The following FZD2 variants were observed in gnomAD, a reference collection of about 807,000 sequenced individuals.
FZD2 encodes the protein frizzled class receptor 2.
A neutral mutation model predicts 36.7 loss-of-function variants in FZD2; 17 were observed. That is an observed-to-expected ratio of 0.46 (90% CI 0.32 to 0.70). The LOEUF (loss-of-function observed/expected upper bound fraction) is 0.70. Ranked by LOEUF, FZD2 falls within the 30% of genes least tolerant of loss-of-function variation. The pLI, the probability that FZD2 is intolerant of heterozygous loss-of-function variation, is 0.04. For synonymous variants in FZD2, 333 were observed against 359.6 expected (o/e 0.93, Z 0.84); for missense variants, 525 against 805.6 (o/e 0.65, Z 4.22).
Position 44,558,864 on chromosome 17 carries a change from G to T in FZD2, c.1176G>T (p.Gln392His). The T allele has an allele frequency of 6.2e-7, 1 of 1,613,168 alleles. No homozygotes were observed. The highest frequency in any genetic ancestry group is 8.5e-7 in the Non-Finnish European group (1 of 1,179,702). The change falls in exon 1 of 1, where the codon CAG becomes CAT. Residue 392 changes from glutamine (Q) to histidine (H), a missense_variant. By Grantham distance (24) the Gln-to-His change is conservative. This residue lies in a region of FZD2 where 189 missense variants were observed against 298.1 expected (regional missense o/e 0.63). Coordinates refer to ENST00000315323, the MANE Select transcript of FZD2 (RefSeq NM_001466.4). This position sits in a 1 kb window ranked among gnomAD's most constrained non-coding sequence, Gnocchi z 9.3. The stretch of plus-strand genomic sequence containing the variant: ...CCATCACCATCCTGGCCATGGGCCA[G>T]ATCGACGGCGACCTGCTGAGCGGCG... ...VKTITILAMGQIDGDLLSGVC... is the reference protein window; with the variant it reads ...VKTITILAMGHIDGDLLSGVC...
chr17:44,561,150 T>A lies in FZD2; in HGVS notation c.*1764T>A, dbSNP rs1361437338. ...ATTTTAGAATTTTAATTCCAAAGGA[T>A]TAGTTTGAATACAAGTATGCCACAT... On this transcript the variant is annotated 3_prime_UTR_variant, in exon 1 of 1. Coordinates refer to ENST00000315323, the MANE Select transcript of FZD2 (RefSeq NM_001466.4). Among the ~76,000 whole-genome samples, 1 of 152,266 alleles carries A rather than the reference T, an allele frequency of 6.6e-6. No individual in the cohort carries two copies. Among genetic ancestry groups the A allele is most frequent in the Non-Finnish European group, 1.5e-5 (1 of 68,048 alleles).
rs1213204785 is a variant in FZD2 at position 44,559,376 on chromosome 17, C to T, written c.1688C>T (p.Thr563Ile). The stretch of plus-strand genomic sequence containing the variant: ...CTCACCAACAGCCGACACGGTGAGA[C>T]CACCGTGTGAGGGACGCCCCCAGGC... ...TRLTNSRHGE[T>I]TV The change falls in exon 1 of 1, where the codon ACC becomes ATC. Residue 563 changes from threonine to isoleucine, a missense_variant. Around this residue, in one of 5 missense-constraint regions of FZD2, gnomAD observed 189 missense variants for 298.1 expected, o/e 0.63. Transcript: ENST00000315323. The surrounding 1 kb of genome is among the most constrained non-coding windows in gnomAD (Gnocchi z 4.4). 2.5e-6 allele frequency: 4 copies of T among 1,601,950 alleles called. No homozygotes were observed. Among genetic ancestry groups the T allele is most frequent in the African/African-American group, 2.7e-5 (2 of 74,758 alleles).
chr17:44,560,323 A>C lies in FZD2; in HGVS notation c.*937A>C, dbSNP rs138798849. On this transcript the variant is annotated 3_prime_UTR_variant, in exon 1 of 1. Transcript: ENST00000315323. ...TCTGGGGAGTTTGAGACCTCCTAGC[A>C]TCTCTTCCCTTCTTTCCCTGCAGTC... Among the ~76,000 whole-genome samples the C allele has an allele frequency of 3.1e-3, 472 of 151,688 alleles. 1 individual carries two copies. The highest frequency in any genetic ancestry group is 0.014 in the Middle Eastern group (4 of 294).
Position 44,558,143 on chromosome 17 carries a change from G to C in FZD2, c.455G>C (p.Gly152Ala), listed in dbSNP as rs756747247. ...CACGGCGCCGAGCAGATCTGCGTCG[G>C]CCAGAACCACTCCGAGGACGGAGCT... ...PRHGAEQICV[G>A]QNHSEDGAPA... Residue 152 changes from glycine (G) to alanine (A), a missense_variant, in exon 1 of 1, where the codon GGC (glycine) becomes GCC (alanine). By Grantham distance (60) the Gly-to-Ala change is moderately conservative. This residue lies in a region of FZD2 where 257 missense variants were observed against 344.4 expected (regional missense o/e 0.75). Transcript: ENST00000315323. The surrounding 1 kb of genome is among the most constrained non-coding windows in gnomAD (Gnocchi z 9.3). 4.4e-6 allele frequency: 7 copies of C among 1,601,864 alleles called. No homozygotes were observed. The highest frequency in any genetic ancestry group is 5.1e-6 in the Non-Finnish European group (6 of 1,176,416).
At position 44,559,164 on chromosome 17, in the gene FZD2, C is replaced by G; in HGVS notation, c.1476C>G (p.Arg492=). 1 of 1,613,980 alleles carries G rather than the reference C, an allele frequency of 6.2e-7. No individual in the cohort carries two copies. The highest frequency in any genetic ancestry group is 8.5e-7 in the Non-Finnish European group (1 of 1,180,016). ...AGGCCTTCCGCGAGCACTGGGAGCG[C>G]TCGTGGGTGAGCCAGCACTGCAAGA... is the stretch of plus-strand genomic sequence containing the variant. ...YEQAFREHWE[R]SWVSQHCKSL... Residue 492 remains arginine (R), a synonymous_variant, in exon 1 of 1, where the codon CGC becomes CGG. Transcript: ENST00000315323. The surrounding 1 kb of genome is among the most constrained non-coding windows in gnomAD (Gnocchi z 4.4).
chr17:44,559,607 G>T lies in FZD2; in HGVS notation c.*221G>T, dbSNP rs138323934. 36 of 374,784 alleles carry T rather than the reference G, an allele frequency of 9.6e-5. No individual in the cohort carries two copies. Among genetic ancestry groups the T allele is most frequent in the Non-Finnish European group, 1.4e-4 (34 of 243,694 alleles). The allele number at this position is 374,784 out of a possible 1,614,324, so 23.2% of individuals were successfully genotyped here. ...AATTATATATATTTTCTATTTAAAA[G>T]AAAAAAGGAGAAAAAAAAACAGGGG... On this transcript the variant is annotated 3_prime_UTR_variant, in exon 1 of 1. Transcript: ENST00000315323. The surrounding 1 kb of genome is among the most constrained non-coding windows in gnomAD (Gnocchi z 4.4).
Position 44,558,363 on chromosome 17 carries a change from C to A in FZD2, c.675C>A (p.Cys225Ter). The A allele has an allele frequency of 6.5e-7, 1 of 1,530,116 alleles. No homozygotes were observed. The highest frequency in any genetic ancestry group is 8.7e-7 in the Non-Finnish European group (1 of 1,144,846). 94.8% of individuals were successfully genotyped at this position (1,530,116 alleles called of 1,614,324 possible). Residue 225 changes from cysteine (C) to a stop codon, truncating the protein, a stop_gained, in exon 1 of 1, where the codon TGC becomes TGA. Coordinates refer to ENST00000315323, the MANE Select transcript of FZD2 (RefSeq NM_001466.4). LOFTEE classifies it high-confidence loss of function. This position sits in a 1 kb window ranked among gnomAD's most constrained non-coding sequence, Gnocchi z 9.3. ...FLGERDCAAP[C>*]EPARPDGSMF... ...GCGAGCGTGATTGTGCTGCGCCCTG[C>A]GAACCTGCGCGGCCCGATGGTTCCA...
In FZD2 at chr17:44,559,239, C is replaced by A; in HGVS notation, c.1551C>A (p.Asp517Glu). 6.2e-7 allele frequency: 1 copy of A among 1,614,128 alleles called. No individual in the cohort carries two copies. Among genetic ancestry groups the A allele is most frequent in the Non-Finnish European group, 8.5e-7 (1 of 1,180,020 alleles). ...ACTACACGCCGCGCATGTCGCCCGA[C>A]TTCACGGTCTACATGATCAAATACC... is the stretch of plus-strand genomic sequence containing the variant. ...PAHYTPRMSP[D>E]FTVYMIKYLM... is the part of the protein sequence containing the mutation. Residue 517 changes from aspartate to glutamate, a missense_variant, in exon 1 of 1, where the codon GAC (aspartate) becomes GAA (glutamate). This residue lies in a region of FZD2 where 189 missense variants were observed against 298.1 expected (regional missense o/e 0.63). Coordinates refer to ENST00000315323, the MANE Select transcript of FZD2 (RefSeq NM_001466.4). This position sits in a 1 kb window ranked among gnomAD's most constrained non-coding sequence, Gnocchi z 4.4.
chr17:44,558,287 A>T lies in FZD2; in HGVS notation c.599A>T (p.His200Leu). 6.9e-7 allele frequency: 1 copy of T among 1,448,484 alleles called. No homozygotes were observed. The highest frequency in any genetic ancestry group is 9.0e-7 in the Non-Finnish European group (1 of 1,106,536). 89.7% of individuals were successfully genotyped at this position (1,448,484 alleles called of 1,614,324 possible). A position where few individuals can be genotyped will look rare whatever the true frequency, so the allele number is the denominator to read the frequency against. Residue 200 changes from histidine (H) to leucine (L), a missense_variant, in exon 1 of 1, where the codon CAC becomes CTC. Around this residue, in one of 5 missense-constraint regions of FZD2, gnomAD observed 257 missense variants for 344.4 expected, o/e 0.75. Coordinates refer to ENST00000315323, the MANE Select transcript of FZD2 (RefSeq NM_001466.4). The surrounding 1 kb of genome is among the most constrained non-coding windows in gnomAD (Gnocchi z 9.3). ...TACGCCACGCTGGAGCACCCCTTCC[A>T]CTGCCCGCGCGTCCTCAAGGTGCCA... The part of the protein sequence containing the change: ...PRYATLEHPF[H>L]CPRVLKVPSY...
chr17:44,558,164 G>T lies in FZD2; in HGVS notation c.476G>T (p.Gly159Val). ...ICVGQNHSEDGAPALLTTAPP... is the reference protein window; with the variant it reads ...ICVGQNHSEDVAPALLTTAPP... The stretch of plus-strand genomic sequence containing the variant: ...GTCGGCCAGAACCACTCCGAGGACG[G>T]AGCTCCCGCGCTACTCACCACCGCG... The change falls in exon 1 of 1, where the codon GGA becomes GTA. Residue 159 changes from glycine (G) to valine (V), a missense_variant. Gly to Val is a moderately radical substitution (Grantham distance 109). Coordinates refer to ENST00000315323, the MANE Select transcript of FZD2 (RefSeq NM_001466.4). The surrounding 1 kb of genome is among the most constrained non-coding windows in gnomAD (Gnocchi z 9.3). The T allele has an allele frequency of 2.5e-6, 4 of 1,571,936 alleles. No homozygotes were observed. The highest frequency in any genetic ancestry group is 2.6e-6 in the Non-Finnish European group (3 of 1,160,566).
rs1170556807 is a variant in FZD2, at chr17:44,561,020, G to T, written c.*1634G>T. Among the ~76,000 whole-genome samples, 1 of 152,190 alleles carries T rather than the reference G, an allele frequency of 6.6e-6. No homozygotes were observed. Among genetic ancestry groups the T allele is most frequent in the Non-Finnish European group, 1.5e-5 (1 of 68,038 alleles). On this transcript the variant is annotated 3_prime_UTR_variant, in exon 1 of 1. Coordinates refer to ENST00000315323, the MANE Select transcript of FZD2 (RefSeq NM_001466.4). Reference sequence around the variant, plus strand: ...TGAGCCACAGTGCCTGGCCTGTCAAGACTTCTCTTAAGTTAACTTCCTGAG... The same window carrying T: ...TGAGCCACAGTGCCTGGCCTGTCAATACTTCTCTTAAGTTAACTTCCTGAG...
In FZD2 at chr17:44,558,999, G is replaced by A; in HGVS notation, c.1311G>A (p.Ser437=). 1 of 1,614,132 alleles carries A rather than the reference G, an allele frequency of 6.2e-7. No homozygotes were observed. The highest frequency in any genetic ancestry group is 8.5e-7 in the Non-Finnish European group (1 of 1,180,030). ...CCTTCCTCCTGGCCGGCTTCGTGTC[G>A]CTCTTCCGCATCCGCACCATCATGA... is the stretch of plus-strand genomic sequence containing the variant. ...GTSFLLAGFV[S]LFRIRTIMKH... The change falls in exon 1 of 1, where the codon TCG becomes TCA. Residue 437 remains serine, a synonymous_variant. Transcript: ENST00000315323. The surrounding 1 kb of genome is among the most constrained non-coding windows in gnomAD (Gnocchi z 9.3).
chr17:44,557,663 G>T lies in FZD2; in HGVS notation c.-26G>T, dbSNP rs1310501020. 2 of 1,223,732 alleles carry T rather than the reference G, an allele frequency of 1.6e-6. No homozygotes were observed. Among genetic ancestry groups the T allele is most frequent in the South Asian group, 6.5e-5 (2 of 30,648 alleles). 75.8% of individuals were successfully genotyped at this position (1,223,732 alleles called of 1,614,324 possible). A position where few individuals can be genotyped will look rare whatever the true frequency, so the allele number is the denominator to read the frequency against. ...GGGCGGGGGCGGGGGGGGCGCCAAG[G>T]AGCCGGGTGGGGGGCGGCGGCCAGC... is the stretch of plus-strand genomic sequence containing the variant. On this transcript the variant is annotated 5_prime_UTR_variant, in exon 1 of 1. Transcript: ENST00000315323. This position sits in a 1 kb window ranked among gnomAD's most constrained non-coding sequence, Gnocchi z 4.9.
Position 44,557,633 on chromosome 17 carries a change from GT to G in FZD2, c.-54del. 1.8e-6 allele frequency: 2 copies of G among 1,090,234 alleles called. No homozygotes were observed. The highest frequency in any genetic ancestry group is 2.3e-6 in the Non-Finnish European group (2 of 862,994). 67.5% of individuals were successfully genotyped at this position (1,090,234 alleles called of 1,614,324 possible). A position where few individuals can be genotyped will look rare whatever the true frequency, so the allele number is the denominator to read the frequency against. On this transcript the variant is annotated 5_prime_UTR_variant, in exon 1 of 1. Transcript: ENST00000315323. This position sits in a 1 kb window ranked among gnomAD's most constrained non-coding sequence, Gnocchi z 4.9. ...GGCGGGGAAGAAGCGCAGTCTCCGG[GT>G]TGGGGGCGGGGGCGGGGGGGGCGCC...
Position 44,559,180 on chromosome 17 carries a change from C to A in FZD2, c.1492C>A (p.His498Asn). The A allele has an allele frequency of 3.1e-6, 5 of 1,613,946 alleles. No individual in the cohort carries two copies. The highest frequency in any genetic ancestry group is 4.2e-6 in the Non-Finnish European group (5 of 1,180,014). ...CTGGGAGCGCTCGTGGGTGAGCCAG[C>A]ACTGCAAGAGCCTGGCCATCCCGTG... ...EHWERSWVSQ[H>N]CKSLAIPCPA... Residue 498 changes from histidine (H) to asparagine (N), a missense_variant, in exon 1 of 1, where the codon CAC (histidine) becomes AAC (asparagine). Transcript: ENST00000315323. The surrounding 1 kb of genome is among the most constrained non-coding windows in gnomAD (Gnocchi z 4.4).
Position 44,558,150 on chromosome 17 carries a change from C to G in FZD2, c.462C>G (p.Asn154Lys). ...HGAEQICVGQ[N>K]HSEDGAPALL... Reference sequence around the variant, plus strand: ...CCGAGCAGATCTGCGTCGGCCAGAACCACTCCGAGGACGGAGCTCCCGCGC... The same window carrying G: ...CCGAGCAGATCTGCGTCGGCCAGAAGCACTCCGAGGACGGAGCTCCCGCGC... Residue 154 changes from asparagine to lysine, a missense_variant, in exon 1 of 1, where the codon AAC (asparagine) becomes AAG (lysine). By Grantham distance (94) the Asn-to-Lys change is moderately conservative. This residue lies in a region of FZD2 where 257 missense variants were observed against 344.4 expected (regional missense o/e 0.75). Transcript: ENST00000315323. This position sits in a 1 kb window ranked among gnomAD's most constrained non-coding sequence, Gnocchi z 9.3. 6.3e-7 allele frequency: 1 copy of G among 1,596,316 alleles called. No individual in the cohort carries two copies. The highest frequency in any genetic ancestry group is 8.5e-7 in the Non-Finnish European group (1 of 1,173,164).
Position 44,560,617 on chromosome 17 carries a change from T to C in FZD2, c.*1231T>C, listed in dbSNP as rs1970877856. On this transcript the variant is annotated 3_prime_UTR_variant, in exon 1 of 1. Transcript: ENST00000315323. ...AAGAAGTCTCTGGATAGGCCCTTTG[T>C]GGCTGTGGGGGTGGGTTGAGTGTTT... Among the ~76,000 whole-genome samples the C allele has an allele frequency of 6.6e-6, 1 of 151,954 alleles. No homozygotes were observed. The highest frequency in any genetic ancestry group is 2.4e-5 in the African/African-American group (1 of 41,362).
In FZD2 at chr17:44,559,397, C is replaced by T. The variant is rs1231846055; in HGVS notation, c.*11C>T. ...GAGACCACCGTGTGAGGGACGCCCC[C>T]AGGCCGGAACCGCGCGGCGCTTTCC... On this transcript the variant is annotated 3_prime_UTR_variant, in exon 1 of 1. Coordinates refer to ENST00000315323, the MANE Select transcript of FZD2 (RefSeq NM_001466.4). The surrounding 1 kb of genome is among the most constrained non-coding windows in gnomAD (Gnocchi z 4.4). 2 of 1,574,110 alleles carry T rather than the reference C, an allele frequency of 1.3e-6. No homozygotes were observed. The highest frequency in any genetic ancestry group is 1.7e-6 in the Non-Finnish European group (2 of 1,160,046).
rs570404945 is a variant in FZD2 at position 44,558,226 on chromosome 17, C to T, written c.538C>T (p.Pro180Ser). The part of the protein sequence containing the change: ...PGLQPGAGGT[P>S]GGPGGGGAPP... ...ACTGCAGCCGGGTGCCGGGGGCACC[C>T]CGGGTGGCCCGGGCGGCGGCGGCGC... Residue 180 changes from proline (P) to serine (S), a missense_variant, in exon 1 of 1, where the codon CCG becomes TCG. Around this residue, in one of 5 missense-constraint regions of FZD2, gnomAD observed 257 missense variants for 344.4 expected, o/e 0.75. Transcript: ENST00000315323. This position sits in a 1 kb window ranked among gnomAD's most constrained non-coding sequence, Gnocchi z 9.3. The T allele has an allele frequency of 5.5e-4, 762 of 1,397,220 alleles. 3 individuals carry two copies. The highest frequency in any genetic ancestry group is 1.3e-4 in the Non-Finnish European group (141 of 1,080,144). The allele number at this position is 1,397,220 out of a possible 1,614,324, so 86.6% of individuals were successfully genotyped here. A position where few individuals can be genotyped will look rare whatever the true frequency, so the allele number is the denominator to read the frequency against.
Sources: gnomAD v4.1 joint callset for allele counts (sites outside exome capture counted in the v4.1 genomes callset) on GRCh38, gnomAD v4.1.1 for gene constraint, gnomAD v4.1.1 regional missense constraint, Gnocchi (gnomAD v3.1) non-coding constraint, MANE v1.5 for transcripts, NCBI Gene and HGNC (gene_info 2026-07-23, HGNC 2026-07-21) for gene names.